The following GLRA2 variants were observed in gnomAD, a reference collection of about 807,000 sequenced individuals.
GLRA2 encodes the protein glycine receptor alpha 2, also known as glycine receptor subunit alpha-2.
A neutral mutation model predicts 31.6 loss-of-function variants in GLRA2; 11 were observed. The observed-to-expected ratio is 0.35, with a 90% CI of 0.22 to 0.58. GLRA2 has a LOEUF of 0.58. GLRA2 is among the 20% of genes least tolerant of loss of function. GLRA2 has a pLI of 0.84. For synonymous variants in GLRA2, 132 were observed against 134.0 expected (o/e 0.99, Z 0.10); for missense variants, 212 against 351.8 (o/e 0.60, Z 3.18).
At chrX:14,524,340 C>A (rs1432047666), upstream of GLRA2, among the ~76,000 whole-genome samples, 1 of 111,654 alleles carries the variant, frequency 9.0e-6, no homozygotes. Flanking sequence ...ATCTAGAAAT[C>A]TATTTTAATC....
chrX:14,630,716 GA>G (rs759314223), intron 7 of GLRA2, among the ~76,000 whole-genome samples: 6 of 110,005 alleles, frequency 5.5e-5, no homozygotes, highest in Non-Finnish European at 1.1e-4. Context: ...ACACAGAACA[GA>G]AATGTATTGC....
At chrX:14,522,968 C>T in the GLRA2 span, among the ~76,000 whole-genome samples, 6 of 111,729 alleles carry the variant, frequency 5.4e-5, no homozygotes, top group Admixed American at 9.5e-5. Context: ...TACCTCCTAA[C>T]GAAAGAGTCA....
intron 7 of GLRA2, among the ~76,000 whole-genome samples, chrX:14,633,223 C>T (rs2090671006): frequency 8.9e-6 from 1 of 112,018 alleles, no homozygotes; most frequent in African/African-American, 3.3e-5. Context: ...TGGCTAGGTG[C>T]AGCACCTCAC....
intron 8 of GLRA2, among the ~76,000 whole-genome samples, chrX:14,694,121 A>C (rs753311733): frequency 8.9e-5 from 10 of 112,027 alleles, no homozygotes; most frequent in Non-Finnish European, 1.7e-4. Flanking sequence ...ATGGTCCATT[A>C]AGTTTACTGA....
At chrX:14,710,327 G>C (rs1344009556) in intron 8 of GLRA2, among the ~76,000 whole-genome samples, 1 of 112,119 alleles carries the variant, frequency 8.9e-6, no homozygotes, top group African/African-American at 3.2e-5. Flanking sequence ...GGGAAAGAAA[G>C]CAGTGGCTAT....
chrX:14,627,516 C>T (rs565360682), intron 7 of GLRA2, among the ~76,000 whole-genome samples: 3 of 111,694 alleles, frequency 2.7e-5, no homozygotes, highest in South Asian at 3.7e-4. Context: ...ACAGCTTGTA[C>T]GCTTAAGGGT....
upstream of GLRA2, among the ~76,000 whole-genome samples, chrX:14,527,666 C>T (rs1312298520): frequency 2.7e-5 from 3 of 110,769 alleles, no homozygotes; most frequent in East Asian, 2.8e-4. Context: ...ATTTAAGCAT[C>T]GTTACAACCT....
At chrX:14,716,895 A>G (rs1036432676) in intron 8 of GLRA2, among the ~76,000 whole-genome samples, 14 of 111,687 alleles carry the variant, frequency 1.3e-4, no homozygotes, top group African/African-American at 4.2e-4. Context: ...ATCGCCTTGT[A>G]TGTCTCAGCA....
intron 2 of GLRA2, among the ~76,000 whole-genome samples, chrX:14,563,880 G>A (rs1254557163): frequency 1.8e-5 from 2 of 111,521 alleles, no homozygotes; most frequent in Non-Finnish European, 3.8e-5. Flanking sequence ...ATCAGTTAAT[G>A]AAGATAGGAA....
the GLRA2 span, among the ~76,000 whole-genome samples, chrX:14,498,765 C>G: frequency 2.1e-4 from 23 of 111,216 alleles, no homozygotes; most frequent in Non-Finnish European, 1.7e-4. Flanking sequence ...CATTTCCCCC[C>G]ACCCTGTACC....
chrX:14,643,384 T>C (rs184112417), intron 7 of GLRA2, among the ~76,000 whole-genome samples: 1 of 111,643 alleles, frequency 9.0e-6, no homozygotes, highest in East Asian at 2.8e-4. Context: ...ACATACCTGG[T>C]TTCTTCTCAT....
chrX:14,568,285 A>G (rs1298427264), intron 2 of GLRA2, among the ~76,000 whole-genome samples: 1 of 112,459 alleles, frequency 8.9e-6, no homozygotes, highest in African/African-American at 3.2e-5. Context: ...AAATATGTTG[A>G]CCAATAGAAT....
the GLRA2 span, among the ~76,000 whole-genome samples, chrX:14,472,314 G>C: frequency 8.9e-6 from 1 of 112,078 alleles, no homozygotes; most frequent in South Asian, 3.7e-4. Flanking sequence ...AGAGCACTGG[G>C]GATAGCAGTA....
intron 4 of GLRA2, among the ~76,000 whole-genome samples, chrX:14,589,495 TAAAAA>T (rs72146186): frequency 1.2e-5 from 1 of 82,940 alleles, no homozygotes; most frequent in African/African-American, 4.5e-5. Flanking sequence ...CCATCTGTAC[TAAAAA>T]AAAAAAAAAA....
intron 5 of GLRA2, among the ~76,000 whole-genome samples, chrX:14,605,005 A>AT (rs1218489628): frequency 9.0e-6 from 1 of 111,289 alleles, no homozygotes; most frequent in East Asian, 2.9e-4. Context: ...GAAAAAGGCC[A>AT]TCTACTTTGT....
the GLRA2 span, among the ~76,000 whole-genome samples, chrX:14,449,580 A>T: frequency 8.9e-6 from 1 of 112,037 alleles, no homozygotes; most frequent in African/African-American, 3.2e-5. Flanking sequence ...GGTGCACCTG[A>T]TCCATGTGCC....
At chrX:14,557,721 G>A (rs1158446906) in intron 2 of GLRA2, among the ~76,000 whole-genome samples, 2 of 111,538 alleles carry the variant, frequency 1.8e-5, no homozygotes, top group African/African-American at 6.5e-5. Context: ...GTCACAACAG[G>A]GGGTGTGGGA....
intron 7 of GLRA2, among the ~76,000 whole-genome samples, chrX:14,674,760 T>TTC (rs766034159): frequency 4.1e-4 from 45 of 109,212 alleles, no homozygotes; most frequent in Admixed American, 2.3e-3. Flanking sequence ...CTTTCTCCTT[T>TTC]TCTCTCTCTC....
intron 2 of GLRA2, among the ~76,000 whole-genome samples, chrX:14,568,512 G>A (rs1269239809): frequency 9.1e-6 from 1 of 109,579 alleles, no homozygotes; most frequent in Non-Finnish European, 1.9e-5. Flanking sequence ...GACCAACATG[G>A]TGAAACCCCA....
Sources: allele counts gnomAD v4.1 joint callset (sites outside exome capture counted in the v4.1 genomes callset), GRCh38; gene constraint gnomAD v4.1.1; transcripts MANE v1.5; gene names NCBI Gene and HGNC (gene_info 2026-07-23, HGNC 2026-07-21).